BARX2: variants seen among roughly 807,000 people sequenced by gnomAD.
The protein encoded by BARX2 is homeobox protein BarH-like 2.
A neutral mutation model predicts 25.5 loss-of-function variants in BARX2; 11 were observed. The ratio of observed to expected loss-of-function variants is 0.43; its 90% CI spans 0.27 to 0.71. The LOEUF is 0.71. Among genes scored for constraint, BARX2 ranks in the 30% least tolerant of loss-of-function variants. The pLI is 0.19. For missense variants in BARX2, 360 were observed against 359.9 expected (o/e 1.00, Z 0.00); for synonymous variants, 137 against 149.5 (o/e 0.92, Z 0.61).
chr11:129,409,215 C>T (rs1041207461), intron 1 of BARX2, among the ~76,000 whole-genome samples: 23 of 152,286 alleles, frequency 1.5e-4, no homozygotes, highest in Admixed American at 1.3e-3. Flanking sequence ...TTCTCTCAGG[C>T]GAGCGATTCA....
intron 2 of BARX2, among the ~76,000 whole-genome samples, chr11:129,438,736 G>T (rs1043999971): frequency 8.5e-5 from 13 of 152,218 alleles, no homozygotes; most frequent in African/African-American, 2.7e-4. Flanking sequence ...GTGACAGAAA[G>T]GGATCATGGG....
In BARX2 at chr11:129,451,923, T is replaced by G. The variant is rs958476; in HGVS notation, c.*521T>G. 0.8 allele frequency: 120,369 copies of G among 150,674 alleles called. 49,027 individuals are homozygous for G. Among genetic ancestry groups the G allele is most frequent in the East Asian group, 0.96 (4,806 of 5,028 alleles). The allele number at this position is 150,674 out of a possible 1,614,324, so 9.3% of individuals were successfully genotyped here. A position where few individuals can be genotyped will look rare whatever the true frequency, so the allele number is the denominator to read the frequency against. On this transcript the variant is annotated 3_prime_UTR_variant, in exon 4 of 4. Coordinates refer to ENST00000281437, the MANE Select transcript of BARX2 (RefSeq NM_003658.5). ...GTGAGGGTGGGCAAAAACATGGGGG[T>G]AGTTCTGAGTTGTTAGAAATGTTTC...
At chr11:129,383,790 G>A (rs547167017) in intron 1 of BARX2, among the ~76,000 whole-genome samples, 21 of 152,154 alleles carry the variant, frequency 1.4e-4, no homozygotes, top group East Asian at 5.8e-4. Flanking sequence ...CCTTTTTACC[G>A]CGTCTTTCCA....
chr11:129,376,318 A>C lies in BARX2; in HGVS notation c.187+96A>C. On this transcript the variant is annotated intron_variant, in intron 1 of 3. Coordinates refer to ENST00000281437, the MANE Select transcript of BARX2 (RefSeq NM_003658.5). The surrounding 1 kb of genome is among the most constrained non-coding windows in gnomAD (Gnocchi z 4.2). ...CGATCCGAGGGCGAGAGGAAGGGTT[A>C]AGTTAAGGGATTCTTTTCCTGCGCC... is the stretch of plus-strand genomic sequence containing the variant. 8.4e-7 allele frequency: 1 copy of C among 1,197,038 alleles called. No homozygotes were observed. Among genetic ancestry groups the C allele is most frequent in the Non-Finnish European group, 1.2e-6 (1 of 867,976 alleles). The allele number at this position is 1,197,038 out of a possible 1,614,324, so 74.2% of individuals were successfully genotyped here.
intron 1 of BARX2, among the ~76,000 whole-genome samples, chr11:129,421,283 C>T (rs1372323117): frequency 1.3e-5 from 2 of 152,128 alleles, no homozygotes; most frequent in South Asian, 2.1e-4. Flanking sequence ...AATTTTCCCT[C>T]AACTGTTTGG....
At chr11:129,396,348 C>G (rs1861721138) in intron 1 of BARX2, among the ~76,000 whole-genome samples, 1 of 151,822 alleles carries the variant, frequency 6.6e-6, no homozygotes, top group Non-Finnish European at 1.5e-5. Flanking sequence ...TCGCCTTGGC[C>G]CCACACCTGT....
At chr11:129,451,071 G>T in intron 3 of BARX2, 65 bp from the exon 4 acceptor site, 1 of 1,565,360 alleles carries the variant, frequency 6.4e-7, no homozygotes. Flanking sequence ...AGGTTATACT[G>T]GGAGTGGAAA....
intron 1 of BARX2, among the ~76,000 whole-genome samples, chr11:129,435,990 TC>T (rs1189422461): frequency 6.6e-6 from 1 of 152,190 alleles, no homozygotes. Context: ...AGCCTGAGAA[TC>T]CTCCTTAACA....
At chr11:129,425,521 G>A (rs1463679324) in intron 1 of BARX2, among the ~76,000 whole-genome samples, 1 of 152,208 alleles carries the variant, frequency 6.6e-6, no homozygotes, top group African/African-American at 2.4e-5. Context: ...GTGAAGGGTG[G>A]TGGAGGCTGC....
chr11:129,441,520 C>T (rs1185636120), intron 2 of BARX2, among the ~76,000 whole-genome samples: 3 of 152,198 alleles, frequency 2.0e-5, no homozygotes, highest in East Asian at 3.8e-4. Context: ...GCCATCTCGG[C>T]TCACTGCAAC....
At chr11:129,384,879 T>C (rs1861603073) in intron 1 of BARX2, among the ~76,000 whole-genome samples, 1 of 152,214 alleles carries the variant, frequency 6.6e-6, no homozygotes, top group Non-Finnish European at 1.5e-5. Context: ...CTTCAAAATA[T>C]CCCTATGAAA....
chr11:129,401,948 T>A (rs1374540211), intron 1 of BARX2, among the ~76,000 whole-genome samples: 2 of 143,124 alleles, frequency 1.4e-5, no homozygotes, highest in Non-Finnish European at 3.0e-5. Flanking sequence ...AGAGCAAGAC[T>A]CTGTCTCAAA....
At chr11:129,410,951 CA>C (rs1861880217) in intron 1 of BARX2, among the ~76,000 whole-genome samples, 1 of 152,162 alleles carries the variant, frequency 6.6e-6, no homozygotes, top group Admixed American at 6.5e-5. Flanking sequence ...TAGCCAAGCC[CA>C]AATTATAACA....
intron 1 of BARX2, among the ~76,000 whole-genome samples, chr11:129,415,225 C>T (rs1401393877): frequency 6.6e-6 from 1 of 152,106 alleles, no homozygotes; most frequent in Non-Finnish European, 1.5e-5. Context: ...TATTGATGAT[C>T]ATGATGAGTT....
chr11:129,410,071 A>G (rs1170586707), intron 1 of BARX2, among the ~76,000 whole-genome samples: 1 of 152,230 alleles, frequency 6.6e-6, no homozygotes. Flanking sequence ...ACAAAGATCA[A>G]ATGTCAATGT....
At position 129,419,730 on chromosome 11, in the gene BARX2, G is replaced by C. The variant is rs59121967; in HGVS notation, c.188-17021G>C. On this transcript the variant is annotated intron_variant, in intron 1 of 3. Coordinates refer to ENST00000281437, the MANE Select transcript of BARX2 (RefSeq NM_003658.5). ...GGAGCCTCTCTGCTTGTGGGCGGTTGACTCTTCCTGAGGCCCTCACCACAG... is the reference window on the plus strand; with the variant it reads ...GGAGCCTCTCTGCTTGTGGGCGGTTCACTCTTCCTGAGGCCCTCACCACAG... 9.7e-3 allele frequency among the ~76,000 whole-genome samples: 1,467 copies of C among 152,010 alleles called. 26 individuals carry two copies. Among genetic ancestry groups the C allele is most frequent in the African/African-American group, 0.033 (1,388 of 41,434 alleles).
At chr11:129,413,860 G>C (rs1236382072) in intron 1 of BARX2, among the ~76,000 whole-genome samples, 1 of 152,006 alleles carries the variant, frequency 6.6e-6, no homozygotes, top group Non-Finnish European at 1.5e-5. Context: ...TCAGGAGATC[G>C]AGACAATCCT....
Position 129,436,403 on chromosome 11 carries a change from T to A in BARX2, c.188-348T>A. Reference sequence around the variant, plus strand: ...ATCTATTTCGGGTTTCTGAAATATGTGTCTCTAGCTTTTCCTGACTACTTC... The same window carrying A: ...ATCTATTTCGGGTTTCTGAAATATGAGTCTCTAGCTTTTCCTGACTACTTC... On this transcript the variant is annotated intron_variant, in intron 1 of 3. Coordinates refer to ENST00000281437, the MANE Select transcript of BARX2 (RefSeq NM_003658.5). This position sits in a 1 kb window ranked among gnomAD's most constrained non-coding sequence, Gnocchi z 4.5. 2 of 280,652 alleles carry A rather than the reference T, an allele frequency of 7.1e-6. No individual in the cohort carries two copies. The highest frequency in any genetic ancestry group is 1.3e-5 in the Non-Finnish European group (2 of 150,980). The allele number at this position is 280,652 out of a possible 1,614,324, so 17.4% of individuals were successfully genotyped here.
intron 1 of BARX2, among the ~76,000 whole-genome samples, chr11:129,434,421 T>TAAA (rs56344103): frequency 3.0e-4 from 23 of 76,256 alleles, no homozygotes; most frequent in Non-Finnish European, 3.8e-4. Flanking sequence ...AAAAAGTAAG[T>TAAA]AAAAAAAAAA....
Sources: allele counts gnomAD v4.1 joint callset (sites outside exome capture counted in the v4.1 genomes callset), GRCh38; gene constraint gnomAD v4.1.1; non-coding constraint Gnocchi (gnomAD v3.1); transcripts MANE v1.5; gene names NCBI Gene and HGNC (gene_info 2026-07-23, HGNC 2026-07-21).